NOS1: variants seen among roughly 807,000 people sequenced by gnomAD.
The protein encoded by NOS1 is nitric oxide synthase 1, also known as NOS type I.
A neutral mutation model predicts 164.5 loss-of-function variants in NOS1; 51 were observed. That is an observed-to-expected ratio of 0.31 (90% CI 0.25 to 0.39). The LOEUF is 0.39. Among genes scored for constraint, NOS1 ranks in the 10% least tolerant of loss-of-function variants. The probability of loss-of-function intolerance (pLI) is 1.00; values close to 1 mark genes in which losing one functional copy is unlikely to be tolerated. For missense variants in NOS1, 1,362 were observed against 1,885.6 expected (o/e 0.72, Z 5.14); for synonymous variants, 719 against 745.8 (o/e 0.96, Z 0.59).
At position 117,269,463 on chromosome 12, in the gene NOS1, TG is replaced by T. The variant is rs71444615; in HGVS notation, c.1840-1320del. ...CCAGGGGGCAGGATCTCTGGAGATTTGTTTTTTTTTTTTTTTTTTTTTTAGA... is the reference window on the plus strand; with the variant it reads ...CCAGGGGGCAGGATCTCTGGAGATTTTTTTTTTTTTTTTTTTTTTTTTAGA... On this transcript the variant is annotated intron_variant, in intron 10 of 28. Coordinates refer to ENST00000317775, the MANE Select transcript of NOS1 (RefSeq NM_000620.5). Among the ~76,000 whole-genome samples the T allele has an allele frequency of 6.4e-4, 85 of 131,870 alleles. 20 individuals are homozygous for T. The highest frequency in any genetic ancestry group is 9.1e-4 in the East Asian group (4 of 4,398). 86.5% of individuals were successfully genotyped at this position (131,870 alleles called of 152,430 possible).
chr12:117,223,503 GC>G (rs1332800327), intron 25 of NOS1, among the ~76,000 whole-genome samples: 1 of 151,428 alleles, frequency 6.6e-6, no homozygotes, highest in Non-Finnish European at 1.5e-5. Context: ...CTTGTGATCT[GC>G]CCGCCTTGGC....
chr12:117,245,014 A>G (rs1037181037), intron 18 of NOS1, among the ~76,000 whole-genome samples: 12 of 152,240 alleles, frequency 7.9e-5, no homozygotes, highest in Middle Eastern at 6.8e-3. Flanking sequence ...AATTATCTCA[A>G]TGGGTATAAA....
At position 117,226,746 on chromosome 12, in the gene NOS1, C is replaced by T; in HGVS notation, c.3641G>A (p.Gly1214Asp). ...TRDGEGPIHH[G>D]VCSSWLNRIQ... Reference sequence around the variant, plus strand: ...CCGGTTGAGCCAGGAGGAGCATACGCCGTGGTGAATTGGTCCTTCTCCATC... The same window carrying T: ...CCGGTTGAGCCAGGAGGAGCATACGTCGTGGTGAATTGGTCCTTCTCCATC... The change falls in exon 24 of 29, where the codon GGC becomes GAC. Residue 1214 changes from glycine (G) to aspartate (D), a missense_variant. This residue lies in a region of NOS1 where 737 missense variants were observed against 1,030.3 expected (regional missense o/e 0.72). Transcript: ENST00000317775. 6.2e-7 allele frequency: 1 copy of T among 1,614,028 alleles called. No homozygotes were observed. The highest frequency in any genetic ancestry group is 2.2e-5 in the East Asian group (1 of 44,886).
At chr12:117,240,424 A>G (rs1870070762) in intron 20 of NOS1, among the ~76,000 whole-genome samples, 2 of 152,224 alleles carry the variant, frequency 1.3e-5, no homozygotes, top group Non-Finnish European at 2.9e-5. Flanking sequence ...TGGATAAGGA[A>G]TACGGATGGG....
At chr12:117,229,562 TTCTATCTATCTATCTA>T (rs58234141) in intron 22 of NOS1, among the ~76,000 whole-genome samples, 18 of 149,402 alleles carry the variant, frequency 1.2e-4, no homozygotes, top group Admixed American at 3.3e-4. Flanking sequence ...TATCAAATTC[TTCTATCTATCTATCTA>T]TCTATCTATC....
intron 2 of NOS1, 73 bp from the exon 3 acceptor site, chr12:117,311,665 C>A: frequency 6.5e-7 from 1 of 1,534,622 alleles, no homozygotes; most frequent in Non-Finnish European, 8.8e-7. Flanking sequence ...ACCTGGAAGT[C>A]CTGAGTCTGT....
chr12:117,247,496 C>T lies in NOS1; in HGVS notation c.2675G>A (p.Arg892Gln), dbSNP rs1205112398. ...GAAGGCGCAAAAGTGAGGGTATGCT[C>T]GTGAGCCGAGGCCAAAAACTGAGAA... Reference protein sequence around the residue: ...VRFSVFGLGSRAYPHFCAFGH... With the variant: ...VRFSVFGLGSQAYPHFCAFGH... Residue 892 changes from arginine to glutamine, a missense_variant, in exon 18 of 29, where the codon CGA (arginine) becomes CAA (glutamine). Arg to Gln is a conservative substitution (Grantham distance 43, BLOSUM62 1). Around this residue, in one of 4 missense-constraint regions of NOS1, gnomAD observed 737 missense variants for 1,030.3 expected, o/e 0.72. Coordinates refer to ENST00000317775, the MANE Select transcript of NOS1 (RefSeq NM_000620.5). 5 of 1,610,688 alleles carry T rather than the reference C, an allele frequency of 3.1e-6. No homozygotes were observed. The highest frequency in any genetic ancestry group is 3.4e-6 in the Non-Finnish European group (4 of 1,178,808).
intron 1 of NOS1, among the ~76,000 whole-genome samples, chr12:117,341,982 T>C (rs73208156): frequency 2.0e-5 from 3 of 152,338 alleles, no homozygotes; most frequent in Non-Finnish European, 4.4e-5. Context: ...AACATAATCA[T>C]GGCCAAGAGG....
chr12:117,257,881 T>C (rs887176165), intron 16 of NOS1, among the ~76,000 whole-genome samples: 1 of 150,272 alleles, frequency 6.7e-6, no homozygotes, highest in Non-Finnish European at 1.5e-5. Flanking sequence ...CTTGGCTCAC[T>C]GCAACCTCCT....
chr12:117,263,271 C>G (rs531957833), intron 13 of NOS1, among the ~76,000 whole-genome samples: 1 of 152,140 alleles, frequency 6.6e-6, no homozygotes, highest in South Asian at 2.1e-4. Context: ...CAGCCCTGAA[C>G]GAGGGTGCTC....
Position 117,330,953 on chromosome 12 carries a change from C to A in NOS1, c.117G>T (p.Pro39=). ...GAATCAGGTCAGAGATGATCACGGG[C>A]GGCTTACTGACCCGCTCCTTCACCA... ...GFLVKERVSK[P]PVIISDLIRG... The change falls in exon 2 of 29, where the codon CCG becomes CCT. Residue 39 remains proline, a synonymous_variant. Transcript: ENST00000317775. This position sits in a 1 kb window ranked among gnomAD's most constrained non-coding sequence, Gnocchi z 4.6. 2.5e-6 allele frequency: 4 copies of A among 1,614,150 alleles called. No individual in the cohort carries two copies. Among genetic ancestry groups the A allele is most frequent in the Non-Finnish European group, 3.4e-6 (4 of 1,180,016 alleles).
At chr12:117,270,964 G>T (rs942088958) in intron 10 of NOS1, among the ~76,000 whole-genome samples, 1 of 152,116 alleles carries the variant, frequency 6.6e-6, no homozygotes, top group Non-Finnish European at 1.5e-5. Context: ...AATTGCTTAA[G>T]CCCAGGAGGT....
chr12:117,220,763 G>A (rs756388635), intron 26 of NOS1, among the ~76,000 whole-genome samples: 3 of 152,120 alleles, frequency 2.0e-5, no homozygotes, highest in Non-Finnish European at 2.9e-5. Flanking sequence ...CTGCAAAGCC[G>A]GCTGCTGTAG....
At position 117,272,881 on chromosome 12, in the gene NOS1, C is replaced by T. The variant is rs1412075257; in HGVS notation, c.1665-322G>A. On this transcript the variant is annotated intron_variant, in intron 9 of 28. Coordinates refer to ENST00000317775, the MANE Select transcript of NOS1 (RefSeq NM_000620.5). This position sits in a 1 kb window ranked among gnomAD's most constrained non-coding sequence, Gnocchi z 4.3. Reference sequence around the variant, plus strand: ...GGGGACCTCTCTCCCCCTTCCCCGACTGAGCACCCTCCTACCCTCAGGGCC... The same window carrying T: ...GGGGACCTCTCTCCCCCTTCCCCGATTGAGCACCCTCCTACCCTCAGGGCC... Among the ~76,000 whole-genome samples the T allele has an allele frequency of 6.6e-6, 1 of 152,246 alleles. No individual in the cohort carries two copies. Among genetic ancestry groups the T allele is most frequent in the Admixed American group, 6.5e-5 (1 of 15,288 alleles).
rs562731324 is a variant in NOS1, at chr12:117,238,296, G to A, written c.3042-3538C>T. Among the ~76,000 whole-genome samples the A allele has an allele frequency of 1.7e-4, 26 of 152,234 alleles. No individual in the cohort carries two copies. The East Asian group carries it at 3.7e-3, about 22-fold the overall frequency. Reference sequence around the variant, plus strand: ...TAAAAGATTAGGGTGGGGGTGGCCAGAAATTCACACCCTATACAAGTAGGA... The same window carrying A: ...TAAAAGATTAGGGTGGGGGTGGCCAAAAATTCACACCCTATACAAGTAGGA... On this transcript the variant is annotated intron_variant, in intron 20 of 28. Coordinates refer to ENST00000317775, the MANE Select transcript of NOS1 (RefSeq NM_000620.5).
At chr12:117,357,975 C>T (rs957744020) in intron 1 of NOS1, among the ~76,000 whole-genome samples, 1 of 152,138 alleles carries the variant, frequency 6.6e-6, no homozygotes, top group Non-Finnish European at 1.5e-5. Context: ...CCACAAATTC[C>T]AGTTTCTAAT....
chr12:117,338,870 A>C (rs2136082431), intron 1 of NOS1, among the ~76,000 whole-genome samples: 1 of 152,298 alleles, frequency 6.6e-6, no homozygotes, highest in Non-Finnish European at 1.5e-5. Context: ...ATACACCCAC[A>C]AAATATCTGA....
In NOS1 at chr12:117,257,803, C is replaced by CTT. The variant is rs34828673; in HGVS notation, c.2531+592_2531+593dup. Among the ~76,000 whole-genome samples the CTT allele has an allele frequency of 1.8e-3, 222 of 120,484 alleles. 2 individuals are homozygous for CTT. Among genetic ancestry groups the CTT allele is most frequent in the African/African-American group, 6.7e-3 (211 of 31,692 alleles). 79.0% of individuals were successfully genotyped at this position (120,484 alleles called of 152,430 possible). ...GAAAAAGAATAATATTTACACAGTG[C>CTT]TTTTTTTTTTTTTTTTTTGAGATGG... On this transcript the variant is annotated intron_variant, in intron 16 of 28. Coordinates refer to ENST00000317775, the MANE Select transcript of NOS1 (RefSeq NM_000620.5).
intron 3 of NOS1, among the ~76,000 whole-genome samples, chr12:117,296,499 A>T (rs1873425104): frequency 6.6e-6 from 1 of 152,176 alleles, no homozygotes; most frequent in South Asian, 2.1e-4. Context: ...CTGAGCCTAC[A>T]TCTTTCTCCC....
Sources: allele counts gnomAD v4.1 joint callset (sites outside exome capture counted in the v4.1 genomes callset), GRCh38; gene constraint gnomAD v4.1.1; regional missense constraint gnomAD v4.1.1; non-coding constraint Gnocchi (gnomAD v3.1); transcripts MANE v1.5; gene names NCBI Gene and HGNC (gene_info 2026-07-23, HGNC 2026-07-21).